The following ASMTL variants were observed in gnomAD, a reference collection of about 807,000 sequenced individuals.
ASMTL encodes the protein acetylserotonin O-methyltransferase like.
ASMTL carries 57 observed loss-of-function variants against 60.3 expected under a neutral mutation model. The ratio of observed to expected loss-of-function variants is 0.95; its 90% confidence interval spans 0.76 to 1.18. The LOEUF is 1.18. Among genes scored for constraint, ASMTL ranks in the 50% most tolerant of loss-of-function variants. The probability of loss-of-function intolerance (pLI) is 0.00; values close to 1 mark genes in which losing one functional copy is unlikely to be tolerated. For synonymous variants in ASMTL, 419 were observed against 373.0 expected (o/e 1.12, Z -1.42); for missense variants, 981 against 852.6 (o/e 1.15, Z -1.88).
chrX:1,437,964 G>A (rs1159821800), intron 3 of ASMTL, among the ~76,000 whole-genome samples: 1 of 151,060 alleles, frequency 6.6e-6, no homozygotes, highest in Non-Finnish European at 1.5e-5. Context: ...GAATTAGGAT[G>A]CGCATTTTAT....
intron 1 of ASMTL, among the ~76,000 whole-genome samples, chrX:1,451,638 C>G (rs1298406394): frequency 6.7e-6 from 1 of 149,362 alleles, no homozygotes; most frequent in Non-Finnish European, 1.5e-5. Flanking sequence ...ACCCCCATCC[C>G]TAGGGGGGTC....
Position 1,421,803 on chromosome X carries a change from G to A in ASMTL, c.1100C>T (p.Ser367Leu), listed in dbSNP as rs780874073. ...NTETANVYLA[S>L]DGEYSLHGFI... ...GCCGTGCAGAGAGTATTCGCCATCC[G>A]ATGCCAGGTAGACGTTCGCTGTCTC... is the stretch of plus-strand genomic sequence containing the variant. Residue 367 changes from serine to leucine, a missense_variant, in exon 9 of 13, where the codon TCG becomes TTG. Transcript: ENST00000381317. 1.7e-5 allele frequency: 28 copies of A among 1,613,698 alleles called. No homozygotes were observed. The highest frequency in any genetic ancestry group is 1.6e-4 in the Middle Eastern group (1 of 6,078).
chrX:1,418,484 C>G (rs1201191418), intron 10 of ASMTL, among the ~76,000 whole-genome samples: 1 of 152,062 alleles, frequency 6.6e-6, no homozygotes, highest in Non-Finnish European at 1.5e-5. Context: ...GTACTCCTCC[C>G]TTCTCCTTCC....
At chrX:1,413,527 G>T (rs1422344535) in intron 11 of ASMTL, among the ~76,000 whole-genome samples, 2 of 152,198 alleles carry the variant, frequency 1.3e-5, no homozygotes, top group African/African-American at 4.8e-5. Context: ...CCTGTTGCGG[G>T]GGGCGCATGT....
At chrX:1,424,636 C>T (rs2090565768) in intron 8 of ASMTL, among the ~76,000 whole-genome samples, 2 of 151,614 alleles carry the variant, frequency 1.3e-5, no homozygotes, top group Non-Finnish European at 2.9e-5. Flanking sequence ...ACTTACCCAC[C>T]CATCTATGCA....
chrX:1,420,039 G>A lies in ASMTL; in HGVS notation c.1246-925C>T, dbSNP rs866984201. Among the ~76,000 whole-genome samples the A allele has an allele frequency of 6.5e-3, 416 of 63,878 alleles. 1 individual carries two copies. The highest frequency in any genetic ancestry group is 0.012 in the African/African-American group (352 of 29,720). The allele number at this position is 63,878 out of a possible 152,430, so 41.9% of individuals were successfully genotyped here. A position where few individuals can be genotyped will look rare whatever the true frequency, so the allele number is the denominator to read the frequency against. On this transcript the variant is annotated intron_variant, in intron 9 of 12. Coordinates refer to ENST00000381317, the MANE Select transcript of ASMTL (RefSeq NM_004192.4). The stretch of plus-strand genomic sequence containing the variant: ...TTTCTTTCTATCTCCCTCTGTCTCT[G>A]TCTCTATGTCTGTCTCCTGTTTCTG...
At chrX:1,411,565 T>G (rs28453965) in intron 12 of ASMTL, among the ~76,000 whole-genome samples, 1 of 151,678 alleles carries the variant, frequency 6.6e-6, no homozygotes, top group Non-Finnish European at 1.5e-5. Context: ...TGAGCCGAGA[T>G]GGTGCGTGCT....
At position 1,452,866 on chromosome X, in the gene ASMTL, C is replaced by A; in HGVS notation, c.-26G>T. The A allele has an allele frequency of 6.5e-7, 1 of 1,527,956 alleles. No individual in the cohort carries two copies. Among genetic ancestry groups the A allele is most frequent in the Non-Finnish European group, 8.8e-7 (1 of 1,141,162 alleles). 94.6% of individuals were successfully genotyped at this position (1,527,956 alleles called of 1,614,324 possible). A position where few individuals can be genotyped will look rare whatever the true frequency, so the allele number is the denominator to read the frequency against. On this transcript the variant is annotated 5_prime_UTR_variant, in exon 1 of 13. Transcript: ENST00000381317. ...GGCGTCCACGCCGGGAGCCGGGCGTCCGCACTTCTGAGCCCGGAGCCCGCG... is the reference window on the plus strand; with the variant it reads ...GGCGTCCACGCCGGGAGCCGGGCGTACGCACTTCTGAGCCCGGAGCCCGCG...
chrX:1,413,496 T>G (rs2090116320), intron 11 of ASMTL, among the ~76,000 whole-genome samples: 1 of 152,208 alleles, frequency 6.6e-6, no homozygotes, highest in Non-Finnish European at 1.5e-5. Context: ...ATCCCCTGAT[T>G]CAGGCGCCCC....
intron 3 of ASMTL, among the ~76,000 whole-genome samples, chrX:1,437,458 C>G (rs763035244): frequency 6.6e-6 from 1 of 151,716 alleles, no homozygotes; most frequent in East Asian, 2.0e-4. Context: ...GGCCTCTCTC[C>G]TGGGCTTGGA....
chrX:1,447,995 A>T (rs1173622634), intron 1 of ASMTL, among the ~76,000 whole-genome samples: 1 of 150,546 alleles, frequency 6.6e-6, no homozygotes, highest in Non-Finnish European at 1.5e-5. Context: ...ATCTTGGATA[A>T]GAACCACCAT....
rs1267101171 is a variant in ASMTL, at chrX:1,419,124, A to G, written c.1246-10T>C. The G allele has an allele frequency of 1.2e-6, 2 of 1,610,618 alleles. No homozygotes were observed. The highest frequency in any genetic ancestry group is 1.7e-6 in the Non-Finnish European group (2 of 1,179,336). On this transcript the variant is annotated splice_polypyrimidine_tract_variant and intron_variant, in intron 9 of 12. Coordinates refer to ENST00000381317, the MANE Select transcript of ASMTL (RefSeq NM_004192.4). ...TCTGGTAGTACGCATCCTGGAACACAGCAGGTGCTTAGGGGCACCAGAGAA... is the reference window on the plus strand; with the variant it reads ...TCTGGTAGTACGCATCCTGGAACACGGCAGGTGCTTAGGGGCACCAGAGAA...
intron 11 of ASMTL, among the ~76,000 whole-genome samples, chrX:1,416,159 G>A (rs1176900163): frequency 2.0e-5 from 2 of 98,214 alleles, no homozygotes; most frequent in Non-Finnish European, 4.2e-5. Flanking sequence ...ACACACACAT[G>A]GACATACAGA....
At chrX:1,407,741 A>ATGAT (rs1240093504) in intron 12 of ASMTL, among the ~76,000 whole-genome samples, 1 of 151,754 alleles carries the variant, frequency 6.6e-6, no homozygotes, top group Non-Finnish European at 1.5e-5. Flanking sequence ...TTAAAAAAGG[A>ATGAT]TGATAGATGT....
chrX:1,448,266 C>A (rs1369671478), intron 1 of ASMTL, among the ~76,000 whole-genome samples: 1 of 149,064 alleles, frequency 6.7e-6, no homozygotes, highest in South Asian at 2.2e-4. Flanking sequence ...CCATCTTGGA[C>A]ACACAACATC....
intron 1 of ASMTL, among the ~76,000 whole-genome samples, chrX:1,442,759 T>C (rs1443632690): frequency 2.0e-5 from 3 of 152,142 alleles, no homozygotes; most frequent in South Asian, 4.1e-4. Context: ...ATGATGGCTG[T>C]GGGAAGGGAG....
At chrX:1,432,073 T>A in intron 6 of ASMTL, 196 bp downstream of exon 6, 1 of 602,836 alleles carries the variant, frequency 1.7e-6, no homozygotes, top group South Asian at 2.0e-5. Context: ...GTCCTGGGAG[T>A]TTGCCTCTTT....
chrX:1,430,788 T>C (rs1320543132), intron 6 of ASMTL, among the ~76,000 whole-genome samples: 1 of 144,998 alleles, frequency 6.9e-6, no homozygotes. Flanking sequence ...ATAAATAAAA[T>C]TATTTATATA....
chrX:1,438,094 G>T (rs760831861), intron 3 of ASMTL, among the ~76,000 whole-genome samples: 10 of 150,958 alleles, frequency 6.6e-5, no homozygotes, highest in South Asian at 2.1e-4. Flanking sequence ...TTTGAGACCA[G>T]CCTGGCCAAC....
Sources: allele counts gnomAD v4.1 joint callset (sites outside exome capture counted in the v4.1 genomes callset), GRCh38; gene constraint gnomAD v4.1.1; transcripts MANE v1.5; gene names NCBI Gene and HGNC (gene_info 2026-07-23, HGNC 2026-07-21).